NTM: variants seen among roughly 807,000 people sequenced by gnomAD.
NTM encodes neurotrimin.
A neutral mutation model predicts 42.1 loss-of-function variants in NTM; 13 were observed. The observed-to-expected ratio is 0.31, with a 90% confidence interval of 0.20 to 0.49. NTM has a LOEUF of 0.49. Ranked by LOEUF, NTM falls within the 20% of genes least tolerant of loss-of-function variation. The pLI is 0.99. For missense variants in NTM, 373 were observed against 452.8 expected, an observed-to-expected ratio of 0.82 and a Z score of 1.60; for synonymous variants, 187 against 179.2, an observed-to-expected ratio of 1.04 and a Z score of -0.35.
intron 2 of NTM, among the ~76,000 whole-genome samples, chr11:132,067,129 A>G (rs138387184): frequency 6.6e-6 from 1 of 152,196 alleles, no homozygotes; most frequent in African/African-American, 2.4e-5. Flanking sequence ...TAATTTGGCT[A>G]ATTTTTGTAT....
intron 3 of NTM, among the ~76,000 whole-genome samples, chr11:132,179,783 G>A (rs2077295549): frequency 6.6e-6 from 1 of 152,106 alleles, no homozygotes; most frequent in African/African-American, 2.4e-5. Context: ...GGACTCATGG[G>A]GCTTGGCGAC....
intron 4 of NTM, among the ~76,000 whole-genome samples, chr11:132,225,202 G>A (rs1396325656): frequency 6.6e-6 from 1 of 152,248 alleles, no homozygotes; most frequent in East Asian, 1.9e-4. Context: ...AGATTGCATG[G>A]TGAATTCAGC....
chr11:132,212,504 T>C (rs973118319), intron 4 of NTM, among the ~76,000 whole-genome samples: 1 of 152,192 alleles, frequency 6.6e-6, no homozygotes, highest in African/African-American at 2.4e-5. Context: ...AGAAAACACA[T>C]AATGATGGGT....
chr11:131,787,015 C>T (rs2089346741), intron 1 of NTM, among the ~76,000 whole-genome samples: 1 of 152,168 alleles, frequency 6.6e-6, no homozygotes, highest in African/African-American at 2.4e-5. Flanking sequence ...ATTAGTATTA[C>T]TAAATCTTCA....
chr11:131,675,244 G>A (rs1458121572), intron 1 of NTM, among the ~76,000 whole-genome samples: 1 of 152,240 alleles, frequency 6.6e-6, no homozygotes, highest in African/African-American at 2.4e-5. Flanking sequence ...TTAAACAGCA[G>A]AGTAGCTCAT....
chr11:131,612,640 T>C (rs535591984), intron 1 of NTM, among the ~76,000 whole-genome samples: 1 of 152,370 alleles, frequency 6.6e-6, no homozygotes, highest in East Asian at 1.9e-4. Flanking sequence ...CAGTTACAGA[T>C]GAAGCACTTT....
At chr11:131,755,150 G>A (rs1291788810) in intron 1 of NTM, among the ~76,000 whole-genome samples, 1 of 152,098 alleles carries the variant, frequency 6.6e-6, no homozygotes, top group African/African-American at 2.4e-5. Context: ...AAAACTTATT[G>A]AGCCACATCA....
At chr11:132,227,482 G>T (rs907826558) in intron 4 of NTM, among the ~76,000 whole-genome samples, 3 of 152,078 alleles carry the variant, frequency 2.0e-5, no homozygotes, top group Admixed American at 1.3e-4. Context: ...AGGAGAGTGT[G>T]AGTTCAGGAT....
intron 2 of NTM, chr11:131,981,415 C>G (rs182297859): frequency 6.6e-6 from 1 of 152,218 alleles, no homozygotes; most frequent in African/African-American, 2.4e-5. Flanking sequence ...TCTCCCTTTC[C>G]AATCACGAGC....
At chr11:131,952,196 T>C (rs1160741982) in intron 2 of NTM, among the ~76,000 whole-genome samples, 1 of 152,142 alleles carries the variant, frequency 6.6e-6, no homozygotes, top group Non-Finnish European at 1.5e-5. Context: ...ATTCTCTGAC[T>C]CAAGTACCTC....
chr11:131,939,751 G>C (rs2059605977), intron 2 of NTM, among the ~76,000 whole-genome samples: 2 of 152,196 alleles, frequency 1.3e-5, no homozygotes, highest in Non-Finnish European at 1.5e-5. Flanking sequence ...GGACAGTTGA[G>C]AGCATGAGGA....
At chr11:132,330,357 A>G (rs1468688367) in intron 8 of NTM, among the ~76,000 whole-genome samples, 172 bp downstream of exon 8, 1 of 152,126 alleles carries the variant, frequency 6.6e-6, no homozygotes, top group East Asian at 1.9e-4. Flanking sequence ...CCCATCCTCA[A>G]GGACATCCAA....
intron 1 of NTM, among the ~76,000 whole-genome samples, chr11:131,447,540 G>A (rs574622820): frequency 6.6e-6 from 1 of 152,248 alleles, no homozygotes; most frequent in Non-Finnish European, 1.5e-5. Flanking sequence ...CTCTAGCACC[G>A]GCAGCTCTCG....
intron 1 of NTM, among the ~76,000 whole-genome samples, chr11:131,681,723 G>A (rs1459711461): frequency 1.3e-5 from 1 of 79,638 alleles, no homozygotes; most frequent in Non-Finnish European, 3.4e-5. Flanking sequence ...CCCTGTGTAT[G>A]TGAGCTTGTT....
intron 1 of NTM, among the ~76,000 whole-genome samples, chr11:131,595,442 ATG>A (rs920025046): frequency 6.6e-6 from 1 of 152,226 alleles, no homozygotes; most frequent in Non-Finnish European, 1.5e-5. Context: ...GTGAAGAAAG[ATG>A]TGTCATTTAG....
chr11:131,519,231 T>G (rs2049285209), intron 1 of NTM, among the ~76,000 whole-genome samples: 1 of 152,244 alleles, frequency 6.6e-6, no homozygotes, highest in African/African-American at 2.4e-5. Flanking sequence ...TTCTCCCATT[T>G]GAGGCTTCAC....
chr11:131,542,046 G>A lies in NTM; in HGVS notation c.82+171158G>A, dbSNP rs138515882. Among the ~76,000 whole-genome samples, 338 of 152,268 alleles carry A rather than the reference G, an allele frequency of 2.2e-3. 2 individuals are homozygous for A. The highest frequency in any genetic ancestry group is 3.9e-3 in the Non-Finnish European group (262 of 68,020). On this transcript the variant is annotated intron_variant, in intron 1 of 8. Coordinates refer to ENST00000683400, the MANE Select transcript of NTM (RefSeq NM_001352005.2). ...ATTTACTGGTAGCTACAGCATGCCAGGCACCAGATCTAGAGGGTTAGAGAG... is the reference window on the plus strand; with the variant it reads ...ATTTACTGGTAGCTACAGCATGCCAAGCACCAGATCTAGAGGGTTAGAGAG...
intron 1 of NTM, among the ~76,000 whole-genome samples, chr11:131,487,290 T>C (rs1954281620): frequency 1.3e-5 from 2 of 152,214 alleles, no homozygotes; most frequent in South Asian, 2.1e-4. Context: ...CTCAGCCCCC[T>C]GATGTATACA....
At chr11:131,853,994 A>T (rs1403765338) in intron 1 of NTM, among the ~76,000 whole-genome samples, 2 of 152,230 alleles carry the variant, frequency 1.3e-5, no homozygotes, top group Non-Finnish European at 2.9e-5. Flanking sequence ...AGTAATACAG[A>T]TTATACATTA....
Sources: allele counts gnomAD v4.1 joint callset (sites outside exome capture counted in the v4.1 genomes callset), GRCh38; gene constraint gnomAD v4.1.1; transcripts MANE v1.5; gene names NCBI Gene and HGNC (gene_info 2026-07-23, HGNC 2026-07-21).